KSR2: variants seen among roughly 807,000 people sequenced by gnomAD.
KSR2 encodes kinase suppressor of ras 2.
KSR2 carries 25 observed loss-of-function variants against 107.8 expected under a neutral mutation model. The observed-to-expected ratio is 0.23, with a 90% CI of 0.17 to 0.32. The LOEUF is 0.32. Ranked by LOEUF, KSR2 falls within the 10% of genes least tolerant of loss-of-function variation. The pLI is 1.00. For missense variants in KSR2, 887 were observed against 1,268.9 expected, an observed-to-expected ratio of 0.70 and a Z score of 4.57; for synonymous variants, 480 against 507.0, an observed-to-expected ratio of 0.95 and a Z score of 0.71.
At position 117,698,763 on chromosome 12, in the gene KSR2, T is replaced by C. The variant is rs571792792; in HGVS notation, c.987-31105A>G. Among the ~76,000 whole-genome samples, 127 of 152,316 alleles carry C rather than the reference T, an allele frequency of 8.3e-4. 2 individuals carry two copies. In the South Asian group the frequency reaches 0.025, roughly 31 times the overall value. The stretch of plus-strand genomic sequence containing the variant: ...TTCCCCTGTGTCATGTTCCATCCAC[T>C]CGTCAGCTTTATTTTCCTCCTTGTT... On this transcript the variant is annotated intron_variant, in intron 4 of 19. Coordinates refer to ENST00000339824, the MANE Select transcript of KSR2 (RefSeq NM_173598.6).
At chr12:117,627,361 G>A (rs1001466342) in intron 5 of KSR2, among the ~76,000 whole-genome samples, 12 of 152,118 alleles carry the variant, frequency 7.9e-5, no homozygotes, top group Non-Finnish European at 1.2e-4. Context: ...TCCATGTTTA[G>A]TGCTTCCTTC....
At chr12:117,697,185 T>G (rs377061219) in intron 4 of KSR2, among the ~76,000 whole-genome samples, 14 of 152,204 alleles carry the variant, frequency 9.2e-5, no homozygotes, top group East Asian at 3.8e-4. Flanking sequence ...TCCCTAAACT[T>G]AATAATATGA....
At chr12:117,760,923 C>T (rs1888978616) in intron 4 of KSR2, 88 bp downstream of exon 4, 18 of 1,542,904 alleles carry the variant, frequency 1.2e-5, no homozygotes, top group Admixed American at 2.0e-5. Flanking sequence ...TTCCCGGTTT[C>T]CTTGACCTGG....
chr12:117,800,814 T>C (rs1260400186), intron 3 of KSR2, among the ~76,000 whole-genome samples: 1 of 152,150 alleles, frequency 6.6e-6, no homozygotes, highest in Non-Finnish European at 1.5e-5. Flanking sequence ...TGTGTTCTCA[T>C]TGTTCAACTC....
At chr12:117,626,453 T>C (rs1206019633) in intron 5 of KSR2, among the ~76,000 whole-genome samples, 1 of 152,228 alleles carries the variant, frequency 6.6e-6, no homozygotes, top group Non-Finnish European at 1.5e-5. Flanking sequence ...TGCCTTCATT[T>C]TGTTATCTAC....
intron 4 of KSR2, among the ~76,000 whole-genome samples, chr12:117,760,679 T>A (rs1203757399): frequency 6.6e-6 from 1 of 152,268 alleles, no homozygotes; most frequent in Admixed American, 6.5e-5. Flanking sequence ...ATTCTCACTC[T>A]GCCATTGTCA....
At chr12:117,967,952 C>T in intron 1 of KSR2, 124 bp downstream of exon 1, 1 of 895,972 alleles carries the variant, frequency 1.1e-6, no homozygotes, top group Non-Finnish European at 1.7e-6. Flanking sequence ...TTGCCCACAC[C>T]ACCACCCCCA....
chr12:117,582,672 G>C (rs114979595), intron 5 of KSR2, among the ~76,000 whole-genome samples: 1 of 152,184 alleles, frequency 6.6e-6, no homozygotes, highest in African/African-American at 2.4e-5. Flanking sequence ...GCCTTAGCTT[G>C]CTACATTCTC....
intron 9 of KSR2, among the ~76,000 whole-genome samples, chr12:117,540,691 A>AGATTGGAGGGAGAGAT (rs765715505): frequency 6.6e-6 from 1 of 152,176 alleles, no homozygotes; most frequent in Non-Finnish European, 1.5e-5. Flanking sequence ...TCATGTGAAG[A>AGATTGGAGGGAGAGAT]TGGAGGGAGA....
chr12:117,652,474 G>T (rs1883944568), intron 5 of KSR2, among the ~76,000 whole-genome samples: 1 of 152,070 alleles, frequency 6.6e-6, no homozygotes, highest in Non-Finnish European at 1.5e-5. Flanking sequence ...TGGACAAAAG[G>T]CTAATTTGAA....
At chr12:117,835,647 CA>C (rs1469737029) in intron 3 of KSR2, among the ~76,000 whole-genome samples, 1 of 152,148 alleles carries the variant, frequency 6.6e-6, no homozygotes, top group Non-Finnish European at 1.5e-5. Context: ...GGACATTTGA[CA>C]GTGTCTGTAG....
chr12:117,894,328 A>C (rs1593347590), intron 1 of KSR2, among the ~76,000 whole-genome samples: 1 of 152,206 alleles, frequency 6.6e-6, no homozygotes, highest in Non-Finnish European at 1.5e-5. Flanking sequence ...TATTTTGTTT[A>C]TCATGAACTT....
intron 2 of KSR2, among the ~76,000 whole-genome samples, chr12:117,858,936 C>T (rs934487766): frequency 6.6e-6 from 1 of 152,064 alleles, no homozygotes; most frequent in African/African-American, 2.4e-5. Context: ...CAGTGATGTC[C>T]GCTGGTTTTA....
intron 4 of KSR2, among the ~76,000 whole-genome samples, chr12:117,723,968 A>C (rs1887311414): frequency 6.6e-6 from 1 of 152,160 alleles, no homozygotes; most frequent in Non-Finnish European, 1.5e-5. Flanking sequence ...TATTTATTTC[A>C]ATTTACTCTT....
Position 117,558,507 on chromosome 12 carries a change from T to A in KSR2, c.1392A>T (p.Gly464=), listed in dbSNP as rs1877861590. The A allele has an allele frequency of 6.2e-7, 1 of 1,613,596 alleles. No homozygotes were observed. Residue 464 remains glycine, a splice_region_variant and synonymous_variant, in exon 8 of 20, where the codon GGA becomes GGT. Transcript: ENST00000339824. ...PPCHLLIIHR[G]DPARLVRTES... is the part of the protein sequence containing the mutation. ...GGGCAGTAAGTGTTAAATAGTTACCTCCTCGGTGGATGATCAGAAGATGAC... is the reference window on the plus strand; with the variant it reads ...GGGCAGTAAGTGTTAAATAGTTACCACCTCGGTGGATGATCAGAAGATGAC...
intron 3 of KSR2, among the ~76,000 whole-genome samples, chr12:117,810,237 T>C (rs1447841841): frequency 6.6e-6 from 1 of 152,222 alleles, no homozygotes; most frequent in African/African-American, 2.4e-5. Flanking sequence ...GAACTATCAC[T>C]CTATTAATCT....
rs367806779 is a variant in KSR2, at chr12:117,760,981, C to A, written c.986+30G>T. On this transcript the variant is annotated intron_variant, in intron 4 of 19. Coordinates refer to ENST00000339824, the MANE Select transcript of KSR2 (RefSeq NM_173598.6). Reference sequence around the variant, plus strand: ...AGCCCCTCGCAGGCCGGGTTTCGACCGCCCCAGGGCACCCACCGATCGCAC... The same window carrying A: ...AGCCCCTCGCAGGCCGGGTTTCGACAGCCCCAGGGCACCCACCGATCGCAC... 1.1e-5 allele frequency: 17 copies of A among 1,611,426 alleles called. No homozygotes were observed. The African/African-American group carries it at 1.5e-4, about 14-fold the overall frequency.
At chr12:117,615,144 G>GC (rs1881802527) in intron 5 of KSR2, among the ~76,000 whole-genome samples, 1 of 151,766 alleles carries the variant, frequency 6.6e-6, no homozygotes, top group Admixed American at 6.6e-5. Context: ...GTAGAGGTGA[G>GC]CACCCACTCT....
intron 3 of KSR2, among the ~76,000 whole-genome samples, chr12:117,793,105 CCAACGTGCACACAAA>C (rs1566017230): frequency 8.8e-6 from 1 of 114,168 alleles, no homozygotes; most frequent in Non-Finnish European, 1.7e-5. Context: ...CACACTCACA[CCAACGTGCACACAAA>C]CATGCACACA....
Sources: allele counts gnomAD v4.1 joint callset (sites outside exome capture counted in the v4.1 genomes callset), GRCh38; gene constraint gnomAD v4.1.1; transcripts MANE v1.5; gene names NCBI Gene and HGNC (gene_info 2026-07-23, HGNC 2026-07-21).